Variants in BRIP1 observed in about 807,000 individuals in gnomAD.
BRIP1 encodes the protein BRCA1 interacting DNA helicase 1.
A neutral mutation model predicts 119.7 loss-of-function variants in BRIP1; 88 were observed. The observed-to-expected ratio is 0.74, with a 90% confidence interval of 0.62 to 0.88. The LOEUF (loss-of-function observed/expected upper bound fraction) is 0.88, where lower values mean the gene tolerates loss of function less well. Ranked by LOEUF, BRIP1 falls within the 40% of genes least tolerant of loss-of-function variation. The pLI is 0.00. For synonymous variants in BRIP1, 443 were observed against 496.5 expected, an observed-to-expected ratio of 0.89 and a Z score of 1.43; for missense variants, 1,259 against 1,455.4, an observed-to-expected ratio of 0.87 and a Z score of 2.20.
chr17:61,704,890 T>G lies in BRIP1; in HGVS notation c.2492+11061A>C, dbSNP rs1330577382. On this transcript the variant is annotated intron_variant, in intron 17 of 19. Transcript: ENST00000259008. The surrounding 1 kb of genome is among the most constrained non-coding windows in gnomAD (Gnocchi z 5.7). ...CTTTGTTAATTTTGCTAGAGGTTTATCAATTTTATTGATCTTTTCAAAGAG... is the reference window on the plus strand; with the variant it reads ...CTTTGTTAATTTTGCTAGAGGTTTAGCAATTTTATTGATCTTTTCAAAGAG... 6.6e-6 allele frequency among the ~76,000 whole-genome samples: 1 copy of G among 152,188 alleles called. No individual in the cohort carries two copies. Among genetic ancestry groups the G allele is most frequent in the African/African-American group, 2.4e-5 (1 of 41,464 alleles).
In BRIP1 at chr17:61,849,249, A is replaced by T. The variant is rs779324498; in HGVS notation, c.387T>A (p.Pro129=). The T allele has an allele frequency of 6.2e-7, 1 of 1,612,440 alleles. No homozygotes were observed. The change falls in exon 5 of 20, where the codon CCT becomes CCA. Residue 129 remains proline, a synonymous_variant. Coordinates refer to ENST00000259008, the MANE Select transcript of BRIP1 (RefSeq NM_032043.3). The part of the protein sequence containing the change: ...NGTSSTCQDS[P]EKTTLAAKLS... ...ACTTTGCAGCCAGAGTGGTTTTTTC[A>T]GGGGAGTCTTATATAAGTAATTTAA...
rs1299732897 is a variant in BRIP1 at position 61,775,704 on chromosome 17, G to A, written c.2097+697C>T. 2.0e-5 allele frequency among the ~76,000 whole-genome samples: 3 copies of A among 152,202 alleles called. No homozygotes were observed. Among genetic ancestry groups the A allele is most frequent in the East Asian group, 1.9e-4 (1 of 5,184 alleles). On this transcript the variant is annotated intron_variant, in intron 14 of 19. Coordinates refer to ENST00000259008, the MANE Select transcript of BRIP1 (RefSeq NM_032043.3). This position sits in a 1 kb window ranked among gnomAD's most constrained non-coding sequence, Gnocchi z 4.4. ...ATACATGAAGTAAAATGAGGGCAACGAAGAAAGTTTGGCTTAGATTAACTT... is the reference window on the plus strand; with the variant it reads ...ATACATGAAGTAAAATGAGGGCAACAAAGAAAGTTTGGCTTAGATTAACTT...
rs2077435801 is a variant in BRIP1 at position 61,770,711 on chromosome 17, A to T, written c.2097+5690T>A. Among the ~76,000 whole-genome samples the T allele has an allele frequency of 1.3e-5, 2 of 152,202 alleles. No individual in the cohort carries two copies. Among genetic ancestry groups the T allele is most frequent in the Non-Finnish European group, 2.9e-5 (2 of 68,034 alleles). ...TTAATCCAAACTACATAAGATGTTA[A>T]ATATAATTCCTAGGACAACCACTAA... is the stretch of plus-strand genomic sequence containing the variant. On this transcript the variant is annotated intron_variant, in intron 14 of 19. Coordinates refer to ENST00000259008, the MANE Select transcript of BRIP1 (RefSeq NM_032043.3). This position sits in a 1 kb window ranked among gnomAD's most constrained non-coding sequence, Gnocchi z 4.7.
chr17:61,698,375 A>G (rs2061560095), intron 17 of BRIP1, among the ~76,000 whole-genome samples: 1 of 152,160 alleles, frequency 6.6e-6, no homozygotes, highest in South Asian at 2.1e-4. Flanking sequence ...CTTAACATTT[A>G]TGGAACCTTA....
rs1286377799 is a variant in BRIP1 at position 61,807,000 on chromosome 17, T to A, written c.918+1467A>T. Among the ~76,000 whole-genome samples the A allele has an allele frequency of 6.6e-6, 1 of 152,180 alleles. No individual in the cohort carries two copies. The highest frequency in any genetic ancestry group is 6.5e-5 in the Admixed American group (1 of 15,270). ...GAACCATCAGGCCCAGCCAATGTAT[T>A]TTTTACAAATACATAATTAATTTCC... is the stretch of plus-strand genomic sequence containing the variant. On this transcript the variant is annotated intron_variant, in intron 7 of 19. Transcript: ENST00000259008. This position sits in a 1 kb window ranked among gnomAD's most constrained non-coding sequence, Gnocchi z 4.9.
rs1309564190 is a variant in BRIP1, at chr17:61,700,143, T to G, written c.2493-6631A>C. On this transcript the variant is annotated intron_variant, in intron 17 of 19. Transcript: ENST00000259008. The surrounding 1 kb of genome is among the most constrained non-coding windows in gnomAD (Gnocchi z 4.1). ...TGAATTGCTGAACCTGAAGGTGGTC[T>G]TGGCAACCCACAAGACAATCACCAC... 3.3e-5 allele frequency among the ~76,000 whole-genome samples: 5 copies of G among 152,194 alleles called. No homozygotes were observed. The highest frequency in any genetic ancestry group is 1.2e-4 in the African/African-American group (5 of 41,436).
Position 61,813,417 on chromosome 17 carries a change from CTT to C in BRIP1, c.628-4662_628-4661del, listed in dbSNP as rs1437844616. The stretch of plus-strand genomic sequence containing the variant: ...AGTGGTGTTTTGCACATAACTGTAA[CTT>C]AGCTTTTTTTAAACTGATGAATTAT... On this transcript the variant is annotated intron_variant, in intron 6 of 19. Transcript: ENST00000259008. 2.6e-5 allele frequency among the ~76,000 whole-genome samples: 4 copies of C among 152,068 alleles called. No homozygotes were observed. In the South Asian group the frequency reaches 8.3e-4, roughly 32 times the overall value.
At position 61,747,487 on chromosome 17, in the gene BRIP1, C is replaced by T. The variant is rs191178151; in HGVS notation, c.2098-2896G>A. On this transcript the variant is annotated intron_variant, in intron 14 of 19. Coordinates refer to ENST00000259008, the MANE Select transcript of BRIP1 (RefSeq NM_032043.3). ...ATGCCACCGATACAATAAAAGACTACTCTGAAAAATTATATGCCAATAAAT... is the reference window on the plus strand; with the variant it reads ...ATGCCACCGATACAATAAAAGACTATTCTGAAAAATTATATGCCAATAAAT... Among the ~76,000 whole-genome samples the T allele has an allele frequency of 4.6e-5, 7 of 150,552 alleles. No homozygotes were observed. In the East Asian group the frequency reaches 7.8e-4, roughly 17 times the overall value.
chr17:61,827,677 T>C lies in BRIP1; in HGVS notation c.628-18920A>G, dbSNP rs1381270642. Among the ~76,000 whole-genome samples, 1 of 152,152 alleles carries C rather than the reference T, an allele frequency of 6.6e-6. No homozygotes were observed. The highest frequency in any genetic ancestry group is 2.1e-4 in the South Asian group (1 of 4,830). On this transcript the variant is annotated intron_variant, in intron 6 of 19. Coordinates refer to ENST00000259008, the MANE Select transcript of BRIP1 (RefSeq NM_032043.3). This position sits in a 1 kb window ranked among gnomAD's most constrained non-coding sequence, Gnocchi z 5.8. ...CTGGGAGGCGGACACTGCAGTCAGC[T>C]GAGATAGTGCCACTGCACTCCGGCC...
chr17:61,769,706 T>C lies in BRIP1; in HGVS notation c.2097+6695A>G, dbSNP rs1485936584. 6.6e-6 allele frequency among the ~76,000 whole-genome samples: 1 copy of C among 152,204 alleles called. No homozygotes were observed. Among genetic ancestry groups the C allele is most frequent in the Non-Finnish European group, 1.5e-5 (1 of 68,038 alleles). Reference sequence around the variant, plus strand: ...AAATCAATTACTTTTCTGGGATCCATCTGAGAACTGAGGTCACAAGGCAAA... The same window carrying C: ...AAATCAATTACTTTTCTGGGATCCACCTGAGAACTGAGGTCACAAGGCAAA... On this transcript the variant is annotated intron_variant, in intron 14 of 19. Transcript: ENST00000259008. The surrounding 1 kb of genome is among the most constrained non-coding windows in gnomAD (Gnocchi z 4.9).
Position 61,685,831 on chromosome 17 carries a change from C to T in BRIP1, c.2905+5G>A, listed in dbSNP as rs1567730970. 1 of 1,602,008 alleles carries T rather than the reference C, an allele frequency of 6.2e-7. No individual in the cohort carries two copies. Among genetic ancestry groups the T allele is most frequent in the Non-Finnish European group, 8.5e-7 (1 of 1,170,398 alleles). On this transcript the variant is annotated splice_donor_5th_base_variant and intron_variant, in intron 19 of 19. Transcript: ENST00000259008. ...TCAAAGGTAAATGGGAAGAACTTTTCATACTTTTCTCCTTTCTGGAGATAA... is the reference window on the plus strand; with the variant it reads ...TCAAAGGTAAATGGGAAGAACTTTTTATACTTTTCTCCTTTCTGGAGATAA...
rs2078983230 is a variant in BRIP1 at position 61,862,261 on chromosome 17, A to C, written c.-30-692T>G. ...TATAAGAAAGAGAATGCCTTGGCAC[A>C]TAGTAGGCACTCAAAAATGTTATTT... On this transcript the variant is annotated intron_variant, in intron 1 of 19. Coordinates refer to ENST00000259008, the MANE Select transcript of BRIP1 (RefSeq NM_032043.3). This position sits in a 1 kb window ranked among gnomAD's most constrained non-coding sequence, Gnocchi z 5.3. Among the ~76,000 whole-genome samples, 1 of 152,238 alleles carries C rather than the reference A, an allele frequency of 6.6e-6. No homozygotes were observed. Among genetic ancestry groups the C allele is most frequent in the Non-Finnish European group, 1.5e-5 (1 of 68,042 alleles).
At position 61,751,677 on chromosome 17, in the gene BRIP1, A is replaced by T. The variant is rs779091061; in HGVS notation, c.2098-7086T>A. ...TTTCATTTATATAAAGTTCAAAAAC[A>T]ATATGTTCTTTGAGAAAAATATATA... is the stretch of plus-strand genomic sequence containing the variant. On this transcript the variant is annotated intron_variant, in intron 14 of 19. Coordinates refer to ENST00000259008, the MANE Select transcript of BRIP1 (RefSeq NM_032043.3). The surrounding 1 kb of genome is among the most constrained non-coding windows in gnomAD (Gnocchi z 6.7). Among the ~76,000 whole-genome samples the T allele has an allele frequency of 9.9e-5, 15 of 152,226 alleles. No individual in the cohort carries two copies. Among genetic ancestry groups the T allele is most frequent in the Non-Finnish European group, 1.5e-4 (10 of 68,036 alleles).
Position 61,846,258 on chromosome 17 carries a change from G to A in BRIP1, c.627+843C>T, listed in dbSNP as rs148326784. On this transcript the variant is annotated intron_variant, in intron 6 of 19. Transcript: ENST00000259008. This position sits in a 1 kb window ranked among gnomAD's most constrained non-coding sequence, Gnocchi z 4.3. ...AGAGAGAGAGAAAAAGAGAGAGAGAGAGAAAGAGAGAGAGAGAGAGGTTGG... is the reference window on the plus strand; with the variant it reads ...AGAGAGAGAGAAAAAGAGAGAGAGAAAGAAAGAGAGAGAGAGAGAGGTTGG... Among the ~76,000 whole-genome samples, 834 of 149,218 alleles carry A rather than the reference G, an allele frequency of 5.6e-3. 7 individuals carry two copies. Among genetic ancestry groups the A allele is most frequent in the African/African-American group, 0.02 (782 of 39,066 alleles).
rs2061600848 is a variant in BRIP1 at position 61,700,692 on chromosome 17, A to G, written c.2493-7180T>C. ...TTGGATGTATAAATTAACGTTTTTC[A>G]TCAAATTCGGAACGTTTTCAGCCAT... On this transcript the variant is annotated intron_variant, in intron 17 of 19. Coordinates refer to ENST00000259008, the MANE Select transcript of BRIP1 (RefSeq NM_032043.3). This position sits in a 1 kb window ranked among gnomAD's most constrained non-coding sequence, Gnocchi z 4.1. Among the ~76,000 whole-genome samples the G allele has an allele frequency of 6.6e-6, 1 of 152,054 alleles. No individual in the cohort carries two copies. The highest frequency in any genetic ancestry group is 2.4e-5 in the African/African-American group (1 of 41,406).
chr17:61,784,950 CA>C (rs1386172281), intron 10 of BRIP1, among the ~76,000 whole-genome samples: 1 of 152,110 alleles, frequency 6.6e-6, no homozygotes, highest in Non-Finnish European at 1.5e-5. Context: ...GTGATACAAA[CA>C]AAGACAATTA....
intron 14 of BRIP1, among the ~76,000 whole-genome samples, chr17:61,773,170 C>T (rs983756352): frequency 6.6e-6 from 1 of 151,904 alleles, no homozygotes; most frequent in Non-Finnish European, 1.5e-5. Context: ...ATTAAAAAGA[C>T]AAATACAACC....
rs1406850911 is a variant in BRIP1 at position 61,709,901 on chromosome 17, G to A, written c.2492+6050C>T. On this transcript the variant is annotated intron_variant, in intron 17 of 19. Transcript: ENST00000259008. This position sits in a 1 kb window ranked among gnomAD's most constrained non-coding sequence, Gnocchi z 5.0. ...GTGCTTAAAAAAATTAACATTAAAA[G>A]GAATCCATTGGTTTCTGCTTACTTT... 1.3e-5 allele frequency among the ~76,000 whole-genome samples: 2 copies of A among 150,790 alleles called. No homozygotes were observed. Among genetic ancestry groups the A allele is most frequent in the Non-Finnish European group, 3.0e-5 (2 of 67,248 alleles).
intron 19 of BRIP1, chr17:61,685,594 T>G (rs2061348613): frequency 1.8e-6 from 1 of 543,672 alleles, no homozygotes; most frequent in Admixed American, 3.5e-5. Context: ...AATGACTTGC[T>G]CATGATCACA....
Sources: allele counts gnomAD v4.1 joint callset (sites outside exome capture counted in the v4.1 genomes callset), GRCh38; gene constraint gnomAD v4.1.1; non-coding constraint Gnocchi (gnomAD v3.1); transcripts MANE v1.5; gene names NCBI Gene and HGNC (gene_info 2026-07-23, HGNC 2026-07-21).